The following FDFT1 variants were observed in gnomAD, a reference collection of about 807,000 sequenced individuals.
FDFT1 encodes farnesyl-diphosphate farnesyltransferase 1, also known as squalene synthase.
Under a neutral mutation model 46.8 loss-of-function variants are expected in FDFT1, and 68 were observed. That is an observed-to-expected ratio of 1.45 (90% CI 1.19 to 1.78). FDFT1 has a LOEUF of 1.78. FDFT1 is among the 40% of genes most tolerant of loss of function. FDFT1 has a pLI of 0.00. For missense variants in FDFT1, 928 were observed against 524.4 expected (o/e 1.77, Z -7.52); for synonymous variants, 351 against 185.1 (o/e 1.90, Z -7.28).
Position 11,838,544 on chromosome 8 carries a change from A to G in FDFT1, c.1189A>G (p.Ser397Gly). 6.2e-7 allele frequency: 1 copy of G among 1,612,458 alleles called. No homozygotes were observed. Among genetic ancestry groups the G allele is most frequent in the Non-Finnish European group, 8.5e-7 (1 of 1,179,316 alleles). ...LSFVMLLAALSWQYLTTLSQV... is the reference protein window; with the variant it reads ...LSFVMLLAALGWQYLTTLSQV... ...GTTTGTCATGCTTTTGGCTGCCCTGAGCTGGCAGTACCTGACCACTCTCTC... is the reference window on the plus strand; with the variant it reads ...GTTTGTCATGCTTTTGGCTGCCCTGGGCTGGCAGTACCTGACCACTCTCTC... The change falls in exon 8 of 8, where the codon AGC becomes GGC. Residue 397 changes from serine to glycine, a missense_variant. Transcript: ENST00000220584.
intron 1 of FDFT1, 36 bp downstream of exon 1, chr8:11,802,967 A>T: frequency 3.2e-6 from 5 of 1,566,146 alleles, no homozygotes; most frequent in Non-Finnish European, 4.3e-6. Flanking sequence ...GGGGCGGGGA[A>T]GGAGCTCGCT....
At position 11,821,793 on chromosome 8, in the gene FDFT1, T is replaced by A. The variant is rs200465082; in HGVS notation, c.425T>A (p.Val142Glu). Residue 142 changes from valine to glutamate, a missense_variant, in exon 4 of 8, where the codon GTG becomes GAG. Val to Glu is a moderately radical substitution (Grantham distance 121). Transcript: ENST00000220584. ...FRNLAEKYQT[V>E]IADICRRMGI... ...AATCTGGCTGAGAAATACCAAACAG[T>A]GATTGCCGACATTTGCCGGAGAATG... The A allele has an allele frequency of 6.4e-5, 104 of 1,613,564 alleles. No individual in the cohort carries two copies. The highest frequency in any genetic ancestry group is 5.3e-5 in the Non-Finnish European group (63 of 1,179,708).
intron 1 of FDFT1, among the ~76,000 whole-genome samples, chr8:11,796,793 C>CT (rs1318711624): frequency 1.3e-5 from 2 of 152,214 alleles, no homozygotes; most frequent in African/African-American, 4.8e-5. Flanking sequence ...CAAATTGGGC[C>CT]TTAGCCCATG....
At chr8:11,801,530 G>A (rs901681749), upstream of FDFT1, among the ~76,000 whole-genome samples, 2 of 152,204 alleles carry the variant, frequency 1.3e-5, no homozygotes, top group African/African-American at 2.4e-5. Context: ...ATGTTGGCCA[G>A]GCTGGTCTTG....
upstream of FDFT1, chr8:11,802,365 C>T (rs1293299248): frequency 2.9e-5 from 13 of 449,010 alleles, no homozygotes; most frequent in East Asian, 7.0e-5. Context: ...CCGCACTGCT[C>T]TCCCGACTGC....
chr8:11,830,141 C>G, intron 5 of FDFT1, 103 bp from the exon 6 acceptor site: 1 of 985,404 alleles, frequency 1.0e-6, no homozygotes, highest in Non-Finnish European at 1.6e-6. Context: ...CCACGGCGCC[C>G]AGCCTGTATC....
In FDFT1 at chr8:11,808,831, A is replaced by C; in HGVS notation, c.137A>C (p.Tyr46Ser). ...LSSSLKTCYK[Y>S]LNQTSRSFAA... is the part of the protein sequence containing the mutation. ...AGCAGCCTGAAAACTTGCTACAAGT[A>C]TCTCAATCAGACCAGTCGCAGTTTC... The change falls in exon 2 of 8, where the codon TAT becomes TCT. Residue 46 changes from tyrosine to serine, a missense_variant. Physicochemically the swap from Tyr to Ser is moderately radical, Grantham distance 144. Transcript: ENST00000220584. 1 of 1,614,106 alleles carries C rather than the reference A, an allele frequency of 6.2e-7. No individual in the cohort carries two copies. The highest frequency in any genetic ancestry group is 8.5e-7 in the Non-Finnish European group (1 of 1,180,008).
chr8:11,804,009 T>A (rs1017604745), intron 1 of FDFT1, among the ~76,000 whole-genome samples: 2 of 152,258 alleles, frequency 1.3e-5, no homozygotes, highest in African/African-American at 4.8e-5. Flanking sequence ...ATGTCACTTT[T>A]TATATTTAGA....
At chr8:11,808,360 G>A (rs1056481406) in intron 1 of FDFT1, 5 of 1,235,110 alleles carry the variant, frequency 4.0e-6, no homozygotes, top group South Asian at 7.9e-5. Context: ...TGCGGAGCGG[G>A]AGGCCGGGGG....
At chr8:11,835,213 C>T (rs1425002435) in intron 7 of FDFT1, among the ~76,000 whole-genome samples, 4 of 152,156 alleles carry the variant, frequency 2.6e-5, no homozygotes, top group Non-Finnish European at 5.9e-5. Context: ...AGATGTAACT[C>T]CTTGATTGAG....
upstream of FDFT1, chr8:11,801,703 T>C (rs1361694980): frequency 3.4e-6 from 1 of 296,662 alleles, no homozygotes; most frequent in East Asian, 1.0e-4. Flanking sequence ...AGGTTTTTTT[T>C]TTTTTTTGGA....
At chr8:11,829,943 G>A (rs888467746) in intron 5 of FDFT1, among the ~76,000 whole-genome samples, 12 of 151,948 alleles carry the variant, frequency 7.9e-5, no homozygotes, top group Admixed American at 2.6e-4. Context: ...CGCCCCCTAG[G>A]TTCAAGCAAT....
chr8:11,825,867 G>GT lies in FDFT1; in HGVS notation c.511-151dup, dbSNP rs1585966627. Reference sequence around the variant, plus strand: ...TGTTTTGAGCACATCCTTCTTGAATGTTTTTTAAATCCTGGTATGTATATT... The same window carrying GT: ...TGTTTTGAGCACATCCTTCTTGAATGTTTTTTTAAATCCTGGTATGTATATT... On this transcript the variant is annotated intron_variant, in intron 4 of 7. Coordinates refer to ENST00000220584, the MANE Select transcript of FDFT1 (RefSeq NM_004462.5). 13 of 435,748 alleles carry GT rather than the reference G, an allele frequency of 3.0e-5. No homozygotes were observed. In the East Asian group the frequency reaches 4.5e-4, roughly 15 times the overall value. 27.0% of individuals were successfully genotyped at this position (435,748 alleles called of 1,614,324 possible).
chr8:11,829,611 G>A (rs752891450), intron 5 of FDFT1, among the ~76,000 whole-genome samples: 1 of 151,890 alleles, frequency 6.6e-6, no homozygotes, highest in Non-Finnish European at 1.5e-5. Flanking sequence ...TTCAGAAGTA[G>A]GCCAGTAGCT....
At chr8:11,827,909 CAGTAAAAAT>C (rs1268603210) in intron 5 of FDFT1, among the ~76,000 whole-genome samples, 3 of 148,318 alleles carry the variant, frequency 2.0e-5, no homozygotes, top group Non-Finnish European at 4.5e-5. Flanking sequence ...ACAAAAAAAA[CAGTAAAAAT>C]TGGCCGGGCA....
rs559061164 is a variant in FDFT1 at position 11,796,938 on chromosome 8, T to A, written c.-94+927T>A. On this transcript the variant is annotated intron_variant, in intron 1 of 7. Transcript: ENST00000538689. ...GAGTAGGGCTGCTCCGCAGGCAGTG[T>A]GCTGAAAGCAGCTCAGGGCAGTTGT... Among the ~76,000 whole-genome samples, 10 of 152,368 alleles carry A rather than the reference T, an allele frequency of 6.6e-5. No individual in the cohort carries two copies. In the South Asian group the frequency reaches 1.9e-3, roughly 28 times the overall value.
At chr8:11,827,993 G>A (rs1322556536) in intron 5 of FDFT1, among the ~76,000 whole-genome samples, 1 of 152,170 alleles carries the variant, frequency 6.6e-6, no homozygotes, top group Non-Finnish European at 1.5e-5. Context: ...CTTGAGGTCA[G>A]GTGTTTGAGA....
chr8:11,802,974 C>G (rs1223966792), intron 1 of FDFT1, 43 bp downstream of exon 1: 4 of 1,559,474 alleles, frequency 2.6e-6, no homozygotes, highest in Non-Finnish European at 3.5e-6. Context: ...GGAAGGAGCT[C>G]GCTGGGCCGG....
upstream of FDFT1, chr8:11,802,418 C>A (rs558909196): frequency 4.4e-6 from 2 of 458,018 alleles, no homozygotes; most frequent in Middle Eastern, 3.2e-4. Flanking sequence ...CCCACCGCCT[C>A]ACCTCCAGTC....
Sources: gnomAD v4.1 joint callset for allele counts (sites outside exome capture counted in the v4.1 genomes callset) on GRCh38, gnomAD v4.1.1 for gene constraint, MANE v1.5 for transcripts, NCBI Gene and HGNC (gene_info 2026-07-23, HGNC 2026-07-21) for gene names.